The following LRRC8C variants were observed in gnomAD, a reference collection of about 807,000 sequenced individuals.
LRRC8C encodes the protein leucine rich repeat containing 8 VRAC subunit C, also known as volume-regulated anion channel subunit LRRC8C.
A neutral mutation model predicts 55.3 loss-of-function variants in LRRC8C; 20 were observed. The observed-to-expected ratio is 0.36, with a 90% CI of 0.25 to 0.53. The LOEUF is 0.53. Among genes scored for constraint, LRRC8C ranks in the 20% least tolerant of loss-of-function variants. The pLI, the probability that LRRC8C is intolerant of heterozygous loss-of-function variation, is 0.92. For synonymous variants in LRRC8C, 376 were observed against 360.7 expected (o/e 1.04, Z -0.48); for missense variants, 659 against 951.4 (o/e 0.69, Z 4.04).
intron 1 of LRRC8C, among the ~76,000 whole-genome samples, chr1:89,645,958 C>CAGATAGATAGATACATAGATAGAT (rs1656600861): frequency 6.7e-6 from 1 of 150,194 alleles, no homozygotes; most frequent in African/African-American, 2.5e-5. Flanking sequence ...GGAAGATGAT[C>CAGATAGATAGATACATAGATAGAT]AGATAGATAG....
chr1:89,643,870 T>C (rs1656539547), intron 1 of LRRC8C, among the ~76,000 whole-genome samples: 1 of 152,230 alleles, frequency 6.6e-6, no homozygotes, highest in Non-Finnish European at 1.5e-5. Context: ...ACATACACGG[T>C]ACTATTTGAT....
intron 1 of LRRC8C, among the ~76,000 whole-genome samples, chr1:89,663,313 G>T (rs2101219191): frequency 6.6e-6 from 1 of 152,312 alleles, no homozygotes; most frequent in Admixed American, 6.5e-5. Context: ...GCTCATGCCT[G>T]TAATCCCAGC....
the LRRC8C span, among the ~76,000 whole-genome samples, chr1:89,616,607 T>C: frequency 8.3e-4 from 127 of 152,326 alleles, no homozygotes; most frequent in African/African-American, 3.0e-3. Context: ...CTAACTTGAG[T>C]GTCGATAAAT....
intron 1 of LRRC8C, among the ~76,000 whole-genome samples, chr1:89,647,024 T>G (rs1282078055): frequency 9.8e-6 from 1 of 102,560 alleles, no homozygotes; most frequent in Non-Finnish European, 2.1e-5. Context: ...GAAAGGGTAT[T>G]TAATAACATA....
chr1:89,671,646 C>T (rs182532068), intron 1 of LRRC8C, among the ~76,000 whole-genome samples: 149 of 152,270 alleles, frequency 9.8e-4, no homozygotes, highest in African/African-American at 3.3e-3. Context: ...ATTTTGTGAA[C>T]TTGGTACAAA....
At chr1:89,662,703 G>A (rs1657152045) in intron 1 of LRRC8C, among the ~76,000 whole-genome samples, 1 of 152,108 alleles carries the variant, frequency 6.6e-6, no homozygotes, top group South Asian at 2.1e-4. Flanking sequence ...CTAAACTCCA[G>A]TAAGGGACCT....
At chr1:89,678,079 G>A (rs1206809752) in intron 1 of LRRC8C, among the ~76,000 whole-genome samples, 1 of 152,120 alleles carries the variant, frequency 6.6e-6, no homozygotes, top group East Asian at 1.9e-4. Context: ...ATTTCTGTTC[G>A]TTACCTCTTT....
chr1:89,685,403 C>T (rs962712576), intron 1 of LRRC8C, among the ~76,000 whole-genome samples: 5 of 152,062 alleles, frequency 3.3e-5, no homozygotes, highest in Admixed American at 1.3e-4. Flanking sequence ...GCGTGAGCCA[C>T]CGCGCCCGGC....
chr1:89,639,546 C>T (rs568053685), intron 1 of LRRC8C, among the ~76,000 whole-genome samples: 2 of 152,310 alleles, frequency 1.3e-5, no homozygotes, highest in Admixed American at 1.3e-4. Context: ...TCCCTCATCT[C>T]CTCCAGCTTT....
upstream of LRRC8C, among the ~76,000 whole-genome samples, chr1:89,630,697 C>T (rs1656084092): frequency 6.6e-6 from 1 of 152,214 alleles, no homozygotes; most frequent in Admixed American, 6.5e-5. Context: ...GAACTATGAA[C>T]ACCCTGAAGT....
At chr1:89,657,102 T>C (rs1656966450) in intron 1 of LRRC8C, among the ~76,000 whole-genome samples, 1 of 152,162 alleles carries the variant, frequency 6.6e-6, no homozygotes, top group African/African-American at 2.4e-5. Flanking sequence ...TGGCTTCCTT[T>C]TATTTTTATT....
Position 89,714,361 on chromosome 1 carries a change from C to T in LRRC8C, c.1791C>T (p.Val597=). ...CCAATCTGACAGAGCTGGAGCTGGTCCACTGTGACCTGGAGCGTATTCCTC... is the reference window on the plus strand; with the variant it reads ...CCAATCTGACAGAGCTGGAGCTGGTTCACTGTGACCTGGAGCGTATTCCTC... ...KMTNLTELEL[V]HCDLERIPHA... is the part of the protein sequence containing the mutation. Residue 597 remains valine, a synonymous_variant, in exon 3 of 3, where the codon GTC becomes GTT. Coordinates refer to ENST00000370454, the MANE Select transcript of LRRC8C (RefSeq NM_032270.5). This position sits in a 1 kb window ranked among gnomAD's most constrained non-coding sequence, Gnocchi z 4.6. 1 of 1,614,124 alleles carries T rather than the reference C, an allele frequency of 6.2e-7. No homozygotes were observed. Among genetic ancestry groups the T allele is most frequent in the Non-Finnish European group, 8.5e-7 (1 of 1,180,020 alleles).
intron 1 of LRRC8C, among the ~76,000 whole-genome samples, chr1:89,665,893 C>G (rs929494281): frequency 6.6e-5 from 10 of 152,124 alleles, no homozygotes; most frequent in Non-Finnish European, 1.2e-4. Context: ...ATCTTTTATA[C>G]ATTTTTATTT....
chr1:89,655,340 T>C (rs1656912001), intron 1 of LRRC8C, among the ~76,000 whole-genome samples: 1 of 152,168 alleles, frequency 6.6e-6, no homozygotes, highest in Non-Finnish European at 1.5e-5. Context: ...AGTTTTTAAG[T>C]GTGAACTCCT....
At chr1:89,665,171 A>G (rs1295100557) in intron 1 of LRRC8C, among the ~76,000 whole-genome samples, 1 of 152,222 alleles carries the variant, frequency 6.6e-6, no homozygotes, top group Non-Finnish European at 1.5e-5. Context: ...ACTACGTTGA[A>G]TAGGAGTGGT....
At chr1:89,642,501 G>A (rs1455162061) in intron 1 of LRRC8C, among the ~76,000 whole-genome samples, 2 of 152,074 alleles carry the variant, frequency 1.3e-5, no homozygotes, top group African/African-American at 4.8e-5. Flanking sequence ...GATCACCTGA[G>A]GTCAGGAGTT....
rs893122835 is a variant in LRRC8C at position 89,718,305 on chromosome 1, A to G, written c.*3323A>G. The G allele has an allele frequency of 6.6e-6, 1 of 152,190 alleles. No individual in the cohort carries two copies. Among genetic ancestry groups the G allele is most frequent in the Admixed American group, 6.5e-5 (1 of 15,278 alleles). 9.4% of individuals were successfully genotyped at this position (152,190 alleles called of 1,614,324 possible). ...GAAAGACCTGGAAAACATACCTGCT[A>G]TGAATATTTTGTTCAGATGTAGCCA... On this transcript the variant is annotated 3_prime_UTR_variant, in exon 3 of 3. Transcript: ENST00000370454.
At chr1:89,674,584 A>C (rs1481812118) in intron 1 of LRRC8C, among the ~76,000 whole-genome samples, 2 of 152,194 alleles carry the variant, frequency 1.3e-5, no homozygotes, top group Non-Finnish European at 2.9e-5. Context: ...TATCAGTTTT[A>C]ATGCTCCTGA....
At chr1:89,678,712 A>AC (rs1260621501) in intron 1 of LRRC8C, among the ~76,000 whole-genome samples, 3 of 141,904 alleles carry the variant, frequency 2.1e-5, no homozygotes, top group African/African-American at 7.6e-5. Flanking sequence ...AAAAAAAAAA[A>AC]AACGAAAGGA....
Sources: gnomAD v4.1 joint callset for allele counts (sites outside exome capture counted in the v4.1 genomes callset) on GRCh38, gnomAD v4.1.1 for gene constraint, Gnocchi (gnomAD v3.1) non-coding constraint, MANE v1.5 for transcripts, NCBI Gene and HGNC (gene_info 2026-07-23, HGNC 2026-07-21) for gene names.